PPCS: variants seen among roughly 807,000 people sequenced by gnomAD.
The protein encoded by PPCS is phosphopantothenoylcysteine synthetase, also known as phosphopantothenate--cysteine ligase.
A neutral mutation model predicts 24.6 loss-of-function variants in PPCS; 17 were observed. The observed-to-expected ratio is 0.69, with a 90% CI of 0.47 to 1.04. PPCS has a LOEUF of 1.04. Among genes scored for constraint, PPCS ranks in the 50% least tolerant of loss-of-function variants. The pLI, the probability that PPCS is intolerant of heterozygous loss-of-function variation, is 0.00. For missense variants in PPCS, 360 were observed against 402.8 expected (o/e 0.89, Z 0.91); for synonymous variants, 190 against 168.3 (o/e 1.13, Z -1.00).
Position 42,461,142 on chromosome 1 carries a change from C to T in PPCS, c.*1216C>T, listed in dbSNP as rs1337208129. Reference sequence around the variant, plus strand: ...TCACATAAATATTTGACTTAAAATACAATTCATGGTGTTTCATGGAGTAGG... The same window carrying T: ...TCACATAAATATTTGACTTAAAATATAATTCATGGTGTTTCATGGAGTAGG... On this transcript the variant is annotated 3_prime_UTR_variant, in exon 3 of 3. Transcript: ENST00000372561. Among the ~76,000 whole-genome samples the T allele has an allele frequency of 1.3e-5, 2 of 152,170 alleles. No homozygotes were observed. Among genetic ancestry groups the T allele is most frequent in the Admixed American group, 1.3e-4 (2 of 15,274 alleles).
upstream of PPCS, chr1:42,456,497 C>G (rs532020675): frequency 2.1e-6 from 3 of 1,407,556 alleles, no homozygotes; most frequent in African/African-American, 4.4e-5. Flanking sequence ...GCGCGTACAC[C>G]AGGTAGGCGA....
chr1:42,472,278 C>G (rs1334645954), intron 2 of PPCS, among the ~76,000 whole-genome samples: 1 of 151,990 alleles, frequency 6.6e-6, no homozygotes, highest in Non-Finnish European at 1.5e-5. Context: ...GTTAGTGGCT[C>G]TAGTAACACA....
In PPCS at chr1:42,459,739, A is replaced by G; in HGVS notation, c.749A>G (p.Tyr250Cys). The G allele has an allele frequency of 6.2e-7, 1 of 1,614,220 alleles. No homozygotes were observed. The highest frequency in any genetic ancestry group is 1.7e-4 in the Middle Eastern group (1 of 6,052). ...CGAGCTCGGAAGGCTTTGGAAATTT[A>G]TCAGCATCAAGTGGTGGTGGCTAAT... Reference protein sequence around the residue: ...INRARKALEIYQHQVVVANIL... With the variant: ...INRARKALEICQHQVVVANIL... Residue 250 changes from tyrosine to cysteine, a missense_variant, in exon 3 of 3, where the codon TAT becomes TGT. Tyr to Cys is a radical substitution (Grantham distance 194). Coordinates refer to ENST00000372561, the MANE Select transcript of PPCS (RefSeq NM_024664.4).
downstream of PPCS, chr1:42,463,819 G>C (rs79044236): frequency 6.6e-6 from 1 of 151,856 alleles, no homozygotes; most frequent in Non-Finnish European, 1.5e-5. Context: ...ATTTTTTTTG[G>C]CCGATGTTCG....
exon 3 of PPCS, chr1:42,473,294 A>G: frequency 8.1e-7 from 1 of 1,230,266 alleles, no homozygotes; most frequent in Admixed American, 4.2e-5. Context: ...ACATGGGTGA[A>G]ACAAAAGAAG....
chr1:42,456,453 G>GTT (rs755437277), upstream of PPCS: 2 of 1,136,304 alleles, frequency 1.8e-6, no homozygotes, highest in Non-Finnish European at 2.4e-6. Flanking sequence ...AGTGTCAAAA[G>GTT]AAGGGTAGTG....
rs780467070 is a variant in PPCS at position 42,459,844 on chromosome 1, T to C, written c.854T>C (p.Ile285Thr). 144 of 1,613,966 alleles carry C rather than the reference T, an allele frequency of 8.9e-5. No homozygotes were observed. The highest frequency in any genetic ancestry group is 7.6e-4 in the South Asian group (69 of 91,092). ...AAGTTATTGCTATCAGAGGAAGAAA[T>C]AGAAAAAGGCGTAGAGATAGAAGAG... ...ETKLLLSEEE[I>T]EKGVEIEEKI... The change falls in exon 3 of 3, where the codon ATA becomes ACA. Residue 285 changes from isoleucine to threonine, a missense_variant. Physicochemically the swap from Ile to Thr is moderately conservative, Grantham distance 89. Transcript: ENST00000372561.
At position 42,460,971 on chromosome 1, in the gene PPCS, C is replaced by G. The variant is rs866834525; in HGVS notation, c.*1045C>G. On this transcript the variant is annotated 3_prime_UTR_variant, in exon 3 of 3. Coordinates refer to ENST00000372561, the MANE Select transcript of PPCS (RefSeq NM_024664.4). ...TCCTTGAGAATCTTTGAAAAACTTT[C>G]AATACTTCTCTTGCTGTCCTACGTT... 6.6e-6 allele frequency among the ~76,000 whole-genome samples: 1 copy of G among 152,202 alleles called. No homozygotes were observed. Among genetic ancestry groups the G allele is most frequent in the Non-Finnish European group, 1.5e-5 (1 of 68,036 alleles).
Position 42,456,931 on chromosome 1 carries a change from G to A in PPCS, c.366G>A (p.Glu122=), listed in dbSNP as rs769564760. The part of the protein sequence containing the change: ...LSGLLSLEAE[E]NALPGFAEAL... ...GCTTGCTGAGCCTGGAGGCCGAGGA[G>A]AATGCACTTCCGGGTTTTGCTGAGG... Residue 122 remains glutamate (E), a synonymous_variant, in exon 1 of 3, where the codon GAG becomes GAA. Transcript: ENST00000372561. 6.2e-7 allele frequency: 1 copy of A among 1,608,468 alleles called. No homozygotes were observed. The highest frequency in any genetic ancestry group is 1.3e-5 in the African/African-American group (1 of 74,948).
intron 2 of PPCS, among the ~76,000 whole-genome samples, chr1:42,471,830 A>G (rs1294211923): frequency 6.6e-6 from 1 of 152,230 alleles, no homozygotes; most frequent in African/African-American, 2.4e-5. Flanking sequence ...TGATGTGGAA[A>G]TGGTAAGACT....
rs1643343614 is a variant in PPCS, at chr1:42,459,463, A to T, written c.613-140A>T. On this transcript the variant is annotated intron_variant, in intron 2 of 2. Transcript: ENST00000372561. Reference sequence around the variant, plus strand: ...GGCCAAGCCACTGTGTTCCCCTAAGACTTTTTAAACTAAACATTTAACTGA... The same window carrying T: ...GGCCAAGCCACTGTGTTCCCCTAAGTCTTTTTAAACTAAACATTTAACTGA... 1.5e-5 allele frequency: 12 copies of T among 774,660 alleles called. No individual in the cohort carries two copies. In the Admixed American group the frequency reaches 3.5e-4, roughly 22 times the overall value. The allele number at this position is 774,660 out of a possible 1,614,324, so 48.0% of individuals were successfully genotyped here. A position where few individuals can be genotyped will look rare whatever the true frequency, so the allele number is the denominator to read the frequency against.
rs1238601230 is a variant in PPCS at position 42,459,961 on chromosome 1, G to A, written c.*35G>A. The A allele has an allele frequency of 6.5e-7, 1 of 1,547,446 alleles. No homozygotes were observed. Among genetic ancestry groups the A allele is most frequent in the Non-Finnish European group, 8.7e-7 (1 of 1,152,974 alleles). Reference sequence around the variant, plus strand: ...CCCTTATAGGATCAAAAATTGTTCAGGGCTCTTAGAGATGGTGAAAACTAC... The same window carrying A: ...CCCTTATAGGATCAAAAATTGTTCAAGGCTCTTAGAGATGGTGAAAACTAC... On this transcript the variant is annotated 3_prime_UTR_variant, in exon 3 of 3. Coordinates refer to ENST00000372561, the MANE Select transcript of PPCS (RefSeq NM_024664.4).
At position 42,457,471 on chromosome 1, in the gene PPCS, G is replaced by A; in HGVS notation, c.612+121G>A. The A allele has an allele frequency of 3.6e-6, 3 of 826,108 alleles. No homozygotes were observed. The South Asian group carries it at 4.4e-5, about 12-fold the overall frequency. The allele number at this position is 826,108 out of a possible 1,614,324, so 51.2% of individuals were successfully genotyped here. On this transcript the variant is annotated intron_variant, in intron 2 of 2. Coordinates refer to ENST00000372561, the MANE Select transcript of PPCS (RefSeq NM_024664.4). ...CGCTAGGCACAGGGGATACAGAGAT[G>A]AATAAGACACCGCCCTCCCTCATGG...
chr1:42,471,685 C>T (rs58903071), intron 2 of PPCS, among the ~76,000 whole-genome samples: 2,181 of 151,922 alleles, frequency 0.014, 52 homozygotes, highest in African/African-American at 0.05. Flanking sequence ...TGAAGGAGGT[C>T]GGGGGAACAG....
chr1:42,459,374 G>C, intron 2 of PPCS: 1 of 523,056 alleles, frequency 1.9e-6, no homozygotes, highest in East Asian at 3.1e-5. Context: ...ATGTTGCCCA[G>C]GCTGGTCTTG....
At chr1:42,465,098 A>C (rs1643528791), downstream of PPCS, among the ~76,000 whole-genome samples, 1 of 152,160 alleles carries the variant, frequency 6.6e-6, no homozygotes, top group Non-Finnish European at 1.5e-5. Flanking sequence ...GCAAGGCATA[A>C]ATTTAAAAAC....
chr1:42,456,660 C>T lies in PPCS; in HGVS notation c.95C>T (p.Ala32Val), dbSNP rs1247284072. 2.2e-5 allele frequency: 35 copies of T among 1,599,850 alleles called. No homozygotes were observed. The highest frequency in any genetic ancestry group is 2.6e-5 in the Non-Finnish European group (31 of 1,175,306). The stretch of plus-strand genomic sequence containing the variant: ...GCTCGCTTCGCGGCCAGGCTGGGCG[C>T]GCAGGGCCGGCGGGTGGTGTTGGTT... ...VMARFAARLG[A>V]QGRRVVLVTS... is the part of the protein sequence containing the mutation. The change falls in exon 1 of 3, where the codon GCG becomes GTG. Residue 32 changes from alanine (A) to valine (V), a missense_variant. Coordinates refer to ENST00000372561, the MANE Select transcript of PPCS (RefSeq NM_024664.4).
intron 2 of PPCS, among the ~76,000 whole-genome samples, chr1:42,469,638 G>C (rs1270475483): frequency 2.6e-5 from 4 of 152,186 alleles, no homozygotes; most frequent in African/African-American, 4.8e-5. Flanking sequence ...ATGGGATGGG[G>C]CCTAGAATAC....
rs1169691919 is a variant in PPCS, at chr1:42,459,943, A to G, written c.*17A>G. ...AGAAACTGAAGTAAAAAGCCCTTAT[A>G]GGATCAAAAATTGTTCAGGGCTCTT... On this transcript the variant is annotated 3_prime_UTR_variant, in exon 3 of 3. Transcript: ENST00000372561. The G allele has an allele frequency of 3.8e-6, 6 of 1,574,672 alleles. No homozygotes were observed. The highest frequency in any genetic ancestry group is 2.2e-5 in the East Asian group (1 of 44,468).
Sources: gnomAD v4.1 joint callset for allele counts (sites outside exome capture counted in the v4.1 genomes callset) on GRCh38, gnomAD v4.1.1 for gene constraint, MANE v1.5 for transcripts, NCBI Gene and HGNC (gene_info 2026-07-23, HGNC 2026-07-21) for gene names.